CSMD3: variants seen among roughly 807,000 people sequenced by gnomAD.
CSMD3 encodes the protein CUB and sushi domain-containing protein 3.
A neutral mutation model predicts 435.2 loss-of-function variants in CSMD3; 177 were observed. That is an observed-to-expected ratio of 0.41 (90% CI 0.36 to 0.46). The LOEUF is 0.46. Among genes scored for constraint, CSMD3 ranks in the 20% least tolerant of loss-of-function variants. The pLI is 0.34. For synonymous variants in CSMD3, 1,656 were observed against 1,520.5 expected, an observed-to-expected ratio of 1.09 and a Z score of -2.07; for missense variants, 4,265 against 4,504.6, an observed-to-expected ratio of 0.95 and a Z score of 1.52.
At chr8:112,460,292 T>C (rs184547281) in intron 32 of CSMD3, among the ~76,000 whole-genome samples, 3 of 152,142 alleles carry the variant, frequency 2.0e-5, no homozygotes, top group East Asian at 3.9e-4. Context: ...CAATATAATA[T>C]AGATCTTTAC....
chr8:113,243,944 C>G (rs1482527551), intron 3 of CSMD3, among the ~76,000 whole-genome samples: 1 of 152,050 alleles, frequency 6.6e-6, no homozygotes, highest in African/African-American at 2.4e-5. Context: ...CATATTTAAA[C>G]TGATTTATTT....
chr8:113,429,304 C>T (rs1462191615), intron 1 of CSMD3, among the ~76,000 whole-genome samples: 2 of 151,430 alleles, frequency 1.3e-5, no homozygotes, highest in African/African-American at 4.8e-5. Flanking sequence ...ACATAAATCT[C>T]ATGTAAATAT....
At chr8:112,796,299 A>G (rs1458342759) in intron 13 of CSMD3, among the ~76,000 whole-genome samples, 1 of 152,052 alleles carries the variant, frequency 6.6e-6, no homozygotes, top group Non-Finnish European at 1.5e-5. Context: ...CATCCCACAA[A>G]TATTTGTTGT....
chr8:112,766,357 A>G (rs1335862647), intron 13 of CSMD3, among the ~76,000 whole-genome samples: 1 of 151,616 alleles, frequency 6.6e-6, no homozygotes, highest in Non-Finnish European at 1.5e-5. Context: ...GAGTGAACAG[A>G]GACCTCTCTC....
chr8:113,300,162 CAA>C (rs34291122), intron 2 of CSMD3, among the ~76,000 whole-genome samples: 2 of 116,584 alleles, frequency 1.7e-5, no homozygotes, highest in Non-Finnish European at 1.7e-5. Flanking sequence ...TCAAAAAAGT[CAA>C]AAAAAAAAAA....
intron 1 of CSMD3, among the ~76,000 whole-genome samples, chr8:113,399,706 G>C (rs2133196399): frequency 6.6e-6 from 1 of 151,838 alleles, no homozygotes; most frequent in Admixed American, 6.6e-5. Flanking sequence ...TGTGTGTTGT[G>C]GGGGAGAATA....
intron 4 of CSMD3, among the ~76,000 whole-genome samples, chr8:113,128,169 C>A (rs79102749): frequency 0.033 from 5,045 of 151,932 alleles, 107 homozygotes; most frequent in Middle Eastern, 0.061. Flanking sequence ...TCTGTTCTGC[C>A]CCATGAAGGT....
intron 1 of CSMD3, among the ~76,000 whole-genome samples, chr8:113,335,565 G>GTTTTGTTTTTTTTTTTT (rs1263100966): frequency 1.0e-5 from 1 of 98,126 alleles, no homozygotes; most frequent in African/African-American, 4.5e-5. Context: ...TTTTTTTTGG[G>GTTTTGTTTTTTTTTTTT]TATTTACATG....
chr8:112,386,420 T>C (rs138769592), intron 36 of CSMD3, among the ~76,000 whole-genome samples: 63 of 152,222 alleles, frequency 4.1e-4, no homozygotes, highest in Middle Eastern at 3.4e-3. Flanking sequence ...TGGCAGACAA[T>C]GCTATGAGAT....
At chr8:112,907,048 T>C (rs570272912) in intron 10 of CSMD3, among the ~76,000 whole-genome samples, 1 of 151,678 alleles carries the variant, frequency 6.6e-6, no homozygotes, top group Admixed American at 6.6e-5. Context: ...GTGGAGAAAC[T>C]ACTGGTTTTA....
intron 5 of CSMD3, among the ~76,000 whole-genome samples, chr8:113,041,491 G>A (rs1009899027): frequency 5.9e-5 from 9 of 152,004 alleles, no homozygotes; most frequent in Non-Finnish European, 1.5e-5. Context: ...ACTTAGATCT[G>A]AAACTTTTAG....
intron 9 of CSMD3, among the ~76,000 whole-genome samples, chr8:112,926,574 T>G (rs1252685984): frequency 1.3e-5 from 2 of 152,188 alleles, no homozygotes; most frequent in Non-Finnish European, 2.9e-5. Context: ...GCTGTCATCT[T>G]TTTAAAAATG....
intron 24 of CSMD3, among the ~76,000 whole-genome samples, chr8:112,567,658 G>T (rs183961172): frequency 2.6e-4 from 40 of 152,224 alleles, no homozygotes; most frequent in Non-Finnish European, 4.4e-4. Flanking sequence ...ACCAGATTTA[G>T]AAATCATTCT....
chr8:113,215,466 TG>T (rs1374133799), intron 3 of CSMD3, among the ~76,000 whole-genome samples: 2 of 151,878 alleles, frequency 1.3e-5, no homozygotes, highest in Non-Finnish European at 2.9e-5. Context: ...CTAATCAAAC[TG>T]GAAGTGCCTT....
chr8:112,997,765 T>C (rs574864685), intron 6 of CSMD3, among the ~76,000 whole-genome samples: 10 of 151,240 alleles, frequency 6.6e-5, no homozygotes, highest in African/African-American at 2.2e-4. Context: ...AATAAAGGAG[T>C]TAGAGTATAT....
chr8:112,722,346 A>G (rs2076876967), intron 13 of CSMD3, among the ~76,000 whole-genome samples: 1 of 152,162 alleles, frequency 6.6e-6, no homozygotes. Flanking sequence ...TATATTGAAA[A>G]TGGATTGTAC....
In CSMD3 at chr8:113,123,330, G is replaced by A. The variant is rs76873353; in HGVS notation, c.710-24367C>T. Among the ~76,000 whole-genome samples the A allele has an allele frequency of 6.8e-4, 104 of 152,044 alleles. 1 individual carries two copies. Among genetic ancestry groups the A allele is most frequent in the African/African-American group, 2.4e-3 (99 of 41,482 alleles). On this transcript the variant is annotated intron_variant, in intron 4 of 70. Transcript: ENST00000297405. ...ATATTGGCATGATAGTCATGATTTCGTCCTTTTGAAAATTATGCTTTATCA... is the reference window on the plus strand; with the variant it reads ...ATATTGGCATGATAGTCATGATTTCATCCTTTTGAAAATTATGCTTTATCA...
chr8:113,184,869 G>C (rs1473959645), intron 3 of CSMD3, among the ~76,000 whole-genome samples: 5 of 152,018 alleles, frequency 3.3e-5, no homozygotes, highest in African/African-American at 7.2e-5. Flanking sequence ...ACTAATATTA[G>C]GTTTTTCTCA....
chr8:113,200,131 G>A (rs1481688957), intron 3 of CSMD3, among the ~76,000 whole-genome samples: 1 of 151,638 alleles, frequency 6.6e-6, no homozygotes, highest in Non-Finnish European at 1.5e-5. Context: ...CTTAATAACC[G>A]GCAGCATTTT....
Sources: allele counts gnomAD v4.1 joint callset (sites outside exome capture counted in the v4.1 genomes callset), GRCh38; gene constraint gnomAD v4.1.1; transcripts MANE v1.5; gene names NCBI Gene and HGNC (gene_info 2026-07-23, HGNC 2026-07-21).